FBN2: variants seen among roughly 807,000 people sequenced by gnomAD.
FBN2 encodes fibrillin 2, also known as fibrillin-2.
FBN2 carries 105 observed loss-of-function variants against 355.6 expected under a neutral mutation model. The observed-to-expected ratio is 0.30, with a 90% CI of 0.25 to 0.35. The LOEUF (loss-of-function observed/expected upper bound fraction) is 0.35. Ranked by LOEUF, FBN2 falls within the 10% of genes least tolerant of loss-of-function variation. FBN2 has a pLI of 1.00. For synonymous variants in FBN2, 1,350 were observed against 1,301.2 expected (o/e 1.04, Z -0.81); for missense variants, 3,280 against 3,758.7 (o/e 0.87, Z 3.33).
intron 48 of FBN2, among the ~76,000 whole-genome samples, chr5:128,294,739 C>T (rs533234120): frequency 1.1e-3 from 165 of 151,198 alleles, no homozygotes; most frequent in Non-Finnish European, 2.0e-3. Context: ...TGGATATTAG[C>T]CCTTTGTCAG....
At chr5:128,488,505 T>G (rs1755405011) in intron 5 of FBN2, among the ~76,000 whole-genome samples, 1 of 152,134 alleles carries the variant, frequency 6.6e-6, no homozygotes, top group Admixed American at 6.6e-5. Context: ...TTTTAATTTT[T>G]TTATTATTAT....
intron 6 of FBN2, among the ~76,000 whole-genome samples, chr5:128,446,958 T>C (rs1220882433): frequency 6.6e-6 from 1 of 152,196 alleles, no homozygotes; most frequent in Non-Finnish European, 1.5e-5. Context: ...AAATTAACAC[T>C]TTTATCATTT....
intron 6 of FBN2, among the ~76,000 whole-genome samples, chr5:128,447,698 C>T (rs981384488): frequency 2.0e-5 from 3 of 152,282 alleles, no homozygotes; most frequent in Admixed American, 1.3e-4. Flanking sequence ...ACAGCCTATT[C>T]GTACACTCTC....
chr5:128,390,083 C>T (rs574130772), intron 11 of FBN2, among the ~76,000 whole-genome samples: 1 of 152,242 alleles, frequency 6.6e-6, no homozygotes, highest in East Asian at 1.9e-4. Flanking sequence ...ACTGCAGATC[C>T]TGCTGCTAGA....
intron 6 of FBN2, among the ~76,000 whole-genome samples, 176 bp from the exon 7 acceptor site, chr5:128,446,782 G>C (rs1033140284): frequency 1.3e-5 from 2 of 152,110 alleles, no homozygotes; most frequent in African/African-American, 4.8e-5. Flanking sequence ...TATGTAAATG[G>C]TATCATGTTA....
At chr5:128,405,179 C>T (rs1291782867) in intron 8 of FBN2, among the ~76,000 whole-genome samples, 1 of 152,118 alleles carries the variant, frequency 6.6e-6, no homozygotes, top group Non-Finnish European at 1.5e-5. Context: ...GGTGACACAG[C>T]TAGACTCCAT....
At position 128,290,796 on chromosome 5, in the gene FBN2, G is replaced by A. The variant is rs1749300370; in HGVS notation, c.6381C>T (p.Cys2127=). 1.2e-6 allele frequency: 2 copies of A among 1,614,052 alleles called. No individual in the cohort carries two copies. Among genetic ancestry groups the A allele is most frequent in the Non-Finnish European group, 1.7e-6 (2 of 1,179,890 alleles). Residue 2127 remains cysteine, a synonymous_variant, in exon 50 of 65, where the codon TGC becomes TGT. Coordinates refer to ENST00000262464, the MANE Select transcript of FBN2 (RefSeq NM_001999.4). ...AGCCCTCTCCTGGCATCTTACTACAGCAGCATTTTGCTTTTGTGGTGTTGA... is the reference window on the plus strand; with the variant it reads ...AGCCCTCTCCTGGCATCTTACTACAACAGCATTTTGCTTTTGTGGTGTTGA... ...KAFNTTKAKC[C]CSKMPGEGWG...
In FBN2 at chr5:128,290,728, T is replaced by G; in HGVS notation, c.6445+4A>C. On this transcript the variant is annotated splice_donor_region_variant and intron_variant, in intron 50 of 64. Coordinates refer to ENST00000262464, the MANE Select transcript of FBN2 (RefSeq NM_001999.4). Reference sequence around the variant, plus strand: ...GTGCTGTCTGATGATGTCATTGCTCTTACCTTCATCGTCTTTGGGGCACAG... The same window carrying G: ...GTGCTGTCTGATGATGTCATTGCTCGTACCTTCATCGTCTTTGGGGCACAG... The G allele has an allele frequency of 6.2e-7, 1 of 1,614,038 alleles. No individual in the cohort carries two copies. The highest frequency in any genetic ancestry group is 8.5e-7 in the Non-Finnish European group (1 of 1,179,858).
chr5:128,461,442 G>A lies in FBN2; in HGVS notation c.826+3282C>T, dbSNP rs371980858. Reference sequence around the variant, plus strand: ...TTCAACCATTGTGGAAGACAGTATGGCGATTCCTCAAGGGTCTAGAACCAG... The same window carrying A: ...TTCAACCATTGTGGAAGACAGTATGACGATTCCTCAAGGGTCTAGAACCAG... On this transcript the variant is annotated intron_variant, in intron 6 of 64. Transcript: ENST00000262464. 2.6e-5 allele frequency among the ~76,000 whole-genome samples: 4 copies of A among 152,168 alleles called. No individual in the cohort carries two copies. The South Asian group carries it at 8.3e-4, about 31-fold the overall frequency.
Position 128,537,393 on chromosome 5 carries a change from C to G in FBN2, c.211G>C (p.Ala71Pro). ...TGTCCTCGCCGGCGGACGCGGCTGGCCACTGCGGCACCCTCCTCGCGATAC... is the reference window on the plus strand; with the variant it reads ...TGTCCTCGCCGGCGGACGCGGCTGGGCACTGCGGCACCCTCCTCGCGATAC... Reference protein sequence around the residue: ...PEYREEGAAVASRVRRRGQQD... With the variant: ...PEYREEGAAVPSRVRRRGQQD... Residue 71 changes from alanine to proline, a missense_variant, in exon 1 of 65, where the codon GCC becomes CCC. Around this residue, in one of 6 missense-constraint regions of FBN2, gnomAD observed 203 missense variants for 142.2 expected, o/e 1.43. Transcript: ENST00000262464. The G allele has an allele frequency of 3.7e-6, 6 of 1,610,348 alleles. No individual in the cohort carries two copies. Among genetic ancestry groups the G allele is most frequent in the Non-Finnish European group, 5.1e-6 (6 of 1,179,578 alleles).
chr5:128,450,910 A>G (rs1349627686), intron 6 of FBN2, among the ~76,000 whole-genome samples: 1 of 152,202 alleles, frequency 6.6e-6, no homozygotes, highest in Non-Finnish European at 1.5e-5. Flanking sequence ...AACAAATGTT[A>G]AAGATACAGA....
intron 51 of FBN2, among the ~76,000 whole-genome samples, 192 bp from the exon 52 acceptor site, chr5:128,289,444 C>T (rs1355791950): frequency 6.6e-6 from 1 of 152,012 alleles, no homozygotes; most frequent in Non-Finnish European, 1.5e-5. Flanking sequence ...AAAAATTAGC[C>T]AGGCATGGTG....
At chr5:128,311,267 C>T in intron 39 of FBN2, 33 bp downstream of exon 39, 1 of 1,613,386 alleles carries the variant, frequency 6.2e-7, no homozygotes, top group Non-Finnish European at 8.5e-7. Flanking sequence ...TTTTAAACAG[C>T]ACTGAGCATT....
rs140487020 is a variant in FBN2, at chr5:128,523,255, G to A, written c.533-3887C>T. On this transcript the variant is annotated intron_variant, in intron 4 of 64. Transcript: ENST00000262464. ...TGTTAACAAGAGGAAAGAAACAAAA[G>A]CCTACTGTCTGACATAGGAAGGTAT... 2.4e-3 allele frequency among the ~76,000 whole-genome samples: 361 copies of A among 152,234 alleles called. 3 individuals are homozygous for A. The highest frequency in any genetic ancestry group is 8.0e-3 in the African/African-American group (334 of 41,548).
intron 7 of FBN2, among the ~76,000 whole-genome samples, chr5:128,444,341 G>A (rs1213073743): frequency 4.0e-5 from 6 of 151,790 alleles, no homozygotes; most frequent in African/African-American, 1.5e-4. Context: ...CAAAGTGCTG[G>A]GATTACAGGC....
At chr5:128,329,411 T>C (rs1043835504) in intron 33 of FBN2, among the ~76,000 whole-genome samples, 2 of 152,044 alleles carry the variant, frequency 1.3e-5, no homozygotes, top group African/African-American at 4.8e-5. Flanking sequence ...GAAAAATCAC[T>C]GTTTAGTGAG....
Position 128,328,758 on chromosome 5 carries a change from C to T in FBN2, c.4409G>A (p.Gly1470Asp). 1 of 1,614,064 alleles carries T rather than the reference C, an allele frequency of 6.2e-7. No individual in the cohort carries two copies. The highest frequency in any genetic ancestry group is 1.1e-5 in the South Asian group (1 of 91,078). Reference sequence around the variant, plus strand: ...CATCTCACACTCGCAGCGATATGCACCCGGGACATTAAGGCACTGTCCGTT... The same window carrying T: ...CATCTCACACTCGCAGCGATATGCATCCGGGACATTAAGGCACTGTCCGTT... Reference protein sequence around the residue: ...CENGQCLNVPGAYRCECEMGF... With the variant: ...CENGQCLNVPDAYRCECEMGF... The change falls in exon 34 of 65, where the codon GGT becomes GAT. Residue 1470 changes from glycine to aspartate, a missense_variant. Transcript: ENST00000262464.
chr5:128,450,555 T>C (rs931517658), intron 6 of FBN2, among the ~76,000 whole-genome samples: 1 of 152,104 alleles, frequency 6.6e-6, no homozygotes, highest in Non-Finnish European at 1.5e-5. Flanking sequence ...TAGAGGTAAA[T>C]GTATAGCATT....
At chr5:128,525,039 A>G (rs1756526554) in intron 4 of FBN2, among the ~76,000 whole-genome samples, 1 of 152,158 alleles carries the variant, frequency 6.6e-6, no homozygotes, top group African/African-American at 2.4e-5. Context: ...GAAGAACAAG[A>G]GACACACCCA....
Sources: allele counts gnomAD v4.1 joint callset (sites outside exome capture counted in the v4.1 genomes callset), GRCh38; gene constraint gnomAD v4.1.1; regional missense constraint gnomAD v4.1.1; transcripts MANE v1.5; gene names NCBI Gene and HGNC (gene_info 2026-07-23, HGNC 2026-07-21).